The following AFG2A variants were observed in gnomAD, a reference collection of about 807,000 sequenced individuals.
AFG2A encodes AAA ATPase AFG2A.
the AFG2A span, among the ~76,000 whole-genome samples, chr4:123,133,734 A>T: frequency 6.6e-6 from 1 of 152,130 alleles, no homozygotes; most frequent in Non-Finnish European, 1.5e-5. Context: ...AAATGGCTTT[A>T]CTAATTTACA....
chr4:123,266,355 A>T, the AFG2A span, among the ~76,000 whole-genome samples: 2 of 152,110 alleles, frequency 1.3e-5, no homozygotes, highest in East Asian at 3.9e-4. Context: ...ATTAGATGAC[A>T]TAATTTATAT....
chr4:123,094,977 A>T, the AFG2A span, among the ~76,000 whole-genome samples: 1 of 148,130 alleles, frequency 6.8e-6, no homozygotes, highest in Non-Finnish European at 1.5e-5. Context: ...TAGGACAAGA[A>T]TCCACCATGC....
chr4:123,127,003 T>C, the AFG2A span, among the ~76,000 whole-genome samples: 3 of 152,246 alleles, frequency 2.0e-5, no homozygotes, highest in South Asian at 6.2e-4. Flanking sequence ...GGAGGATCAC[T>C]TAAGGCTAGG....
At chr4:123,259,625 ATTGTTTTC>A in the AFG2A span, among the ~76,000 whole-genome samples, 1 of 152,120 alleles carries the variant, frequency 6.6e-6, no homozygotes, top group Non-Finnish European at 1.5e-5. Flanking sequence ...GGTTATCACT[ATTGTTTTC>A]TTTTGCTCTG....
At chr4:123,120,800 G>C in the AFG2A span, among the ~76,000 whole-genome samples, 1 of 152,012 alleles carries the variant, frequency 6.6e-6, no homozygotes, top group Non-Finnish European at 1.5e-5. Context: ...CATTTGTATA[G>C]TACATCATAC....
At chr4:122,953,832 C>T in the AFG2A span, among the ~76,000 whole-genome samples, 1 of 152,232 alleles carries the variant, frequency 6.6e-6, no homozygotes, top group Non-Finnish European at 1.5e-5. Flanking sequence ...TTTGCCTATG[C>T]AGTTTCTCCA....
chr4:123,056,458 T>C, the AFG2A span: 1 of 1,610,278 alleles, frequency 6.2e-7, no homozygotes, highest in Non-Finnish European at 8.5e-7. Flanking sequence ...ATTGTGCCTT[T>C]AGTGGCACTC....
At chr4:123,191,763 T>C in the AFG2A span, among the ~76,000 whole-genome samples, 1 of 152,138 alleles carries the variant, frequency 6.6e-6, no homozygotes, top group Non-Finnish European at 1.5e-5. Context: ...CTCCATTTTT[T>C]GTTTTCCATG....
the AFG2A span, among the ~76,000 whole-genome samples, chr4:123,061,117 C>G: frequency 6.6e-6 from 1 of 152,198 alleles, no homozygotes; most frequent in Admixed American, 6.5e-5. Flanking sequence ...TAACACGTCT[C>G]TAGGAAGTTC....
the AFG2A span, among the ~76,000 whole-genome samples, chr4:123,014,945 T>C: frequency 6.6e-6 from 1 of 152,132 alleles, no homozygotes. Context: ...CTTTCTGTAC[T>C]CCCATCTGTG....
At chr4:123,286,737 G>A in the AFG2A span, among the ~76,000 whole-genome samples, 188 of 152,204 alleles carry the variant, frequency 1.2e-3, 2 homozygotes, top group African/African-American at 4.4e-3. Flanking sequence ...GAGGGCCAGA[G>A]TTGTAGATTA....
chr4:123,005,407 A>G, the AFG2A span, among the ~76,000 whole-genome samples: 1 of 152,244 alleles, frequency 6.6e-6, no homozygotes, highest in Middle Eastern at 3.4e-3. Context: ...TGCCCACCTC[A>G]GCCTTTCAAA....
chr4:123,068,029 C>T, the AFG2A span, among the ~76,000 whole-genome samples: 29 of 152,218 alleles, frequency 1.9e-4, no homozygotes, highest in African/African-American at 6.5e-4. Flanking sequence ...GGGGGCTTGA[C>T]TTTTGAAAGG....
chr4:123,298,940 T>C, the AFG2A span, among the ~76,000 whole-genome samples: 1 of 152,110 alleles, frequency 6.6e-6, no homozygotes, highest in Non-Finnish European at 1.5e-5. Flanking sequence ...AGAATTATTT[T>C]GTTAAAGGCA....
chr4:123,065,544 T>C, the AFG2A span, among the ~76,000 whole-genome samples: 2 of 152,176 alleles, frequency 1.3e-5, no homozygotes, highest in African/African-American at 4.8e-5. Context: ...ATGATTTCCA[T>C]ATAGGTTGAA....
At chr4:123,251,723 TTAGG>T in the AFG2A span, among the ~76,000 whole-genome samples, 1 of 152,104 alleles carries the variant, frequency 6.6e-6, no homozygotes, top group Non-Finnish European at 1.5e-5. Flanking sequence ...TGTATTTGTT[TTAGG>T]TAGAAAGAAG....
chr4:123,272,517 T>A, the AFG2A span, among the ~76,000 whole-genome samples: 2 of 152,182 alleles, frequency 1.3e-5, no homozygotes, highest in East Asian at 3.8e-4. Context: ...TAGCAGTTTC[T>A]ATGATTCTCA....
chr4:122,937,001 A>G, the AFG2A span, among the ~76,000 whole-genome samples: 1 of 152,136 alleles, frequency 6.6e-6, no homozygotes, highest in South Asian at 2.1e-4. Context: ...AAATAAAAAT[A>G]ATTAGTTGGG....
chr4:123,058,600 G>A, the AFG2A span, among the ~76,000 whole-genome samples: 1 of 152,108 alleles, frequency 6.6e-6, no homozygotes, highest in Non-Finnish European at 1.5e-5. Context: ...ACTCCACCCT[G>A]GGCAACAAGA....
Sources: allele counts gnomAD v4.1 joint callset (sites outside exome capture counted in the v4.1 genomes callset), GRCh38; gene constraint gnomAD v4.1.1; transcripts MANE v1.5; gene names NCBI Gene and HGNC (gene_info 2026-07-23, HGNC 2026-07-21).